The following ZNF777 variants were observed in gnomAD, a reference collection of about 807,000 sequenced individuals.
ZNF777 encodes zinc finger protein 777.
Under a neutral mutation model 72.1 loss-of-function variants are expected in ZNF777, and 7 were observed. The observed-to-expected ratio is 0.10, with a 90% CI of 0.06 to 0.18. ZNF777 has a LOEUF of 0.18. Among genes scored for constraint, ZNF777 ranks in the 10% least tolerant of loss-of-function variants. ZNF777 has a pLI of 1.00. For synonymous variants in ZNF777, 545 were observed against 483.5 expected (o/e 1.13, Z -1.67); for missense variants, 828 against 1,128.6 (o/e 0.73, Z 3.82).
At chr7:149,456,994 T>C (rs1799846654) in intron 1 of ZNF777, among the ~76,000 whole-genome samples, 1 of 152,150 alleles carries the variant, frequency 6.6e-6, no homozygotes, top group Non-Finnish European at 1.5e-5. Context: ...TCAGGTGGTC[T>C]GGGTTCCACC....
intron 4 of ZNF777, among the ~76,000 whole-genome samples, chr7:149,450,001 C>T (rs2116597079): frequency 6.6e-6 from 1 of 152,236 alleles, no homozygotes; most frequent in South Asian, 2.1e-4. Context: ...TTGATAGGTC[C>T]CCAAATCAAC....
intron 4 of ZNF777, among the ~76,000 whole-genome samples, chr7:149,437,275 C>T (rs910259198): frequency 6.6e-6 from 1 of 152,060 alleles, no homozygotes; most frequent in East Asian, 1.9e-4. Context: ...TCACTGCGCC[C>T]AGCCAGGGTT....
chr7:149,452,069 T>G (rs1024659962), intron 3 of ZNF777, among the ~76,000 whole-genome samples: 2 of 151,138 alleles, frequency 1.3e-5, no homozygotes, highest in Admixed American at 6.6e-5. Flanking sequence ...ATCGAGACCA[T>G]CCTGGCTAAC....
At chr7:149,445,715 G>A (rs1799589723) in intron 4 of ZNF777, among the ~76,000 whole-genome samples, 1 of 152,142 alleles carries the variant, frequency 6.6e-6, no homozygotes, top group Non-Finnish European at 1.5e-5. Context: ...CCCATGTCCA[G>A]AGAGCCTCCT....
intron 4 of ZNF777, among the ~76,000 whole-genome samples, chr7:149,447,725 G>A (rs1276479265): frequency 6.6e-6 from 1 of 152,094 alleles, no homozygotes; most frequent in African/African-American, 2.4e-5. Context: ...TAGTCTTCAG[G>A]TTTCCACTAG....
Position 149,432,496 on chromosome 7 carries a change from G to A in ZNF777, c.1776C>T (p.His592=), listed in dbSNP as rs1294281309. The change falls in exon 6 of 6, where the codon CAC becomes CAT. Residue 592 remains histidine (H), a synonymous_variant. Coordinates refer to ENST00000247930, the MANE Select transcript of ZNF777 (RefSeq NM_015694.3). ...SFRHKQQLTL[H]QRIHRVRGGC... Reference sequence around the variant, plus strand: ...CTCCGCGCACGCGGTGGATGCGCTGGTGCAGCGTGAGCTGTTGCTTGTGCC... The same window carrying A: ...CTCCGCGCACGCGGTGGATGCGCTGATGCAGCGTGAGCTGTTGCTTGTGCC... 13 of 1,613,742 alleles carry A rather than the reference G, an allele frequency of 8.1e-6. No homozygotes were observed. Among genetic ancestry groups the A allele is most frequent in the Non-Finnish European group, 1.1e-5 (13 of 1,179,882 alleles).
At chr7:149,439,775 A>AT (rs1344015520) in intron 4 of ZNF777, among the ~76,000 whole-genome samples, 1 of 152,036 alleles carries the variant, frequency 6.6e-6, no homozygotes, top group Non-Finnish European at 1.5e-5. Flanking sequence ...CTAAGTGTTC[A>AT]TTTTTTTTCT....
At position 149,436,557 on chromosome 7, in the gene ZNF777, T is replaced by C; in HGVS notation, c.1339+18A>G. ...CCTCATGGCAACCCTTCCCCGGCCG[T>C]CCCCGCCCAGCACTCACCCGTGCAG... On this transcript the variant is annotated intron_variant, in intron 5 of 5. Transcript: ENST00000247930. This position sits in a 1 kb window ranked among gnomAD's most constrained non-coding sequence, Gnocchi z 5.0. 1 of 1,576,160 alleles carries C rather than the reference T, an allele frequency of 6.3e-7. No homozygotes were observed. Among genetic ancestry groups the C allele is most frequent in the Non-Finnish European group, 8.6e-7 (1 of 1,157,774 alleles).
chr7:149,459,136 T>G (rs1799891686), intron 1 of ZNF777, among the ~76,000 whole-genome samples: 1 of 152,030 alleles, frequency 6.6e-6, no homozygotes, highest in Admixed American at 6.6e-5. Context: ...TCTCATGAGT[T>G]TTTTTTTGAT....
chr7:149,450,875 C>G lies in ZNF777; in HGVS notation c.1087+124G>C. 5 of 774,736 alleles carry G rather than the reference C, an allele frequency of 6.5e-6. No homozygotes were observed. The South Asian group carries it at 9.3e-5, about 14-fold the overall frequency. 48.0% of individuals were successfully genotyped at this position (774,736 alleles called of 1,614,324 possible). On this transcript the variant is annotated intron_variant, in intron 4 of 5. Coordinates refer to ENST00000247930, the MANE Select transcript of ZNF777 (RefSeq NM_015694.3). ...ACTCCAAAGCAGGTCCTGGCACCTG[C>G]GGGCCTCCTTCCTGCTAACATATCC...
intron 4 of ZNF777, among the ~76,000 whole-genome samples, chr7:149,437,799 C>CTTTTTTTT (rs796721387): frequency 3.5e-5 from 4 of 115,650 alleles, no homozygotes; most frequent in Non-Finnish European, 3.5e-5. Context: ...ATGTTTGTTT[C>CTTTTTTTT]TTTTTCTTTT....
Position 149,431,448 on chromosome 7 carries a change from C to A in ZNF777, c.*328G>T, listed in dbSNP as rs1292466696. 6.8e-6 allele frequency: 3 copies of A among 443,716 alleles called. No individual in the cohort carries two copies. The highest frequency in any genetic ancestry group is 1.4e-5 in the Non-Finnish European group (3 of 221,520). The allele number at this position is 443,716 out of a possible 1,614,324, so 27.5% of individuals were successfully genotyped here. On this transcript the variant is annotated 3_prime_UTR_variant, in exon 6 of 6. Coordinates refer to ENST00000247930, the MANE Select transcript of ZNF777 (RefSeq NM_015694.3). ...AAAGTTCTATCCCCAACTAGATGGGCCCTACACCGCCCCTCTGAGTGGCCG... is the reference window on the plus strand; with the variant it reads ...AAAGTTCTATCCCCAACTAGATGGGACCTACACCGCCCCTCTGAGTGGCCG...
intron 4 of ZNF777, among the ~76,000 whole-genome samples, chr7:149,443,154 G>A (rs1272994139): frequency 6.6e-6 from 1 of 152,108 alleles, no homozygotes; most frequent in Admixed American, 6.5e-5. Context: ...ATCAATGGCA[G>A]AGTATTTAAA....
intron 1 of ZNF777, among the ~76,000 whole-genome samples, chr7:149,457,763 T>C (rs1799861506): frequency 6.6e-6 from 1 of 152,216 alleles, no homozygotes; most frequent in South Asian, 2.1e-4. Context: ...TTATCCAGCA[T>C]TTATTATGTG....
rs1355047426 is a variant in ZNF777, at chr7:149,455,133, A to G, written c.846+44T>C. ...CACTACATTCCTAAACCACACTCCA[A>G]TTCAGATCACTTCCTTGGGAAGCCC... On this transcript the variant is annotated intron_variant, in intron 2 of 5. Coordinates refer to ENST00000247930, the MANE Select transcript of ZNF777 (RefSeq NM_015694.3). The surrounding 1 kb of genome is among the most constrained non-coding windows in gnomAD (Gnocchi z 4.2). 2 of 1,572,688 alleles carry G rather than the reference A, an allele frequency of 1.3e-6. No homozygotes were observed. The highest frequency in any genetic ancestry group is 8.6e-7 in the Non-Finnish European group (1 of 1,162,816).
Position 149,431,736 on chromosome 7 carries a change from GC to G in ZNF777, c.*39del. 7.5e-7 allele frequency: 1 copy of G among 1,338,152 alleles called. No homozygotes were observed. Among genetic ancestry groups the G allele is most frequent in the Non-Finnish European group, 9.5e-7 (1 of 1,049,506 alleles). The allele number at this position is 1,338,152 out of a possible 1,614,324, so 82.9% of individuals were successfully genotyped here. On this transcript the variant is annotated 3_prime_UTR_variant, in exon 6 of 6. Coordinates refer to ENST00000247930, the MANE Select transcript of ZNF777 (RefSeq NM_015694.3). Reference sequence around the variant, plus strand: ...CTGGCGGTGTCCGAGGGGGGGCACGGCCCGCGCACCTGGCCGGGCGGCGGCG... The same window carrying G: ...CTGGCGGTGTCCGAGGGGGGGCACGGCCGCGCACCTGGCCGGGCGGCGGCG...
intron 3 of ZNF777, among the ~76,000 whole-genome samples, 169 bp downstream of exon 3, chr7:149,453,942 A>G (rs1799773373): frequency 6.6e-6 from 1 of 152,160 alleles, no homozygotes. Flanking sequence ...GGCCGCACTG[A>G]TGTGTGTGGG....
At chr7:149,459,892 C>G (rs931626691) in intron 1 of ZNF777, 3 of 976,802 alleles carry the variant, frequency 3.1e-6, no homozygotes, top group African/African-American at 3.5e-5. Flanking sequence ...TGTGCCGGGC[C>G]GGGCGTGAGA....
In ZNF777 at chr7:149,448,591, A is replaced by AAC. The variant is rs1799658089; in HGVS notation, c.1087+2407_1087+2408insGT. 1.3e-3 allele frequency among the ~76,000 whole-genome samples: 130 copies of AAC among 96,700 alleles called. 1 individual carries two copies. The highest frequency in any genetic ancestry group is 6.4e-3 in the African/African-American group (125 of 19,398). 63.4% of individuals were successfully genotyped at this position (96,700 alleles called of 152,430 possible). A position where few individuals can be genotyped will look rare whatever the true frequency, so the allele number is the denominator to read the frequency against. The stretch of plus-strand genomic sequence containing the variant: ...GTTATACATATAACTATATATATAT[A>AAC]TATATATATATATATATATAGTAAA... On this transcript the variant is annotated intron_variant, in intron 4 of 5. Coordinates refer to ENST00000247930, the MANE Select transcript of ZNF777 (RefSeq NM_015694.3).
Sources: gnomAD v4.1 joint callset for allele counts (sites outside exome capture counted in the v4.1 genomes callset) on GRCh38, gnomAD v4.1.1 for gene constraint, Gnocchi (gnomAD v3.1) non-coding constraint, MANE v1.5 for transcripts, NCBI Gene and HGNC (gene_info 2026-07-23, HGNC 2026-07-21) for gene names.